The following IQGAP3 variants were observed in gnomAD, a reference collection of about 807,000 sequenced individuals.
IQGAP3 encodes IQ motif containing GTPase activating protein 3.
IQGAP3 carries 165 observed loss-of-function variants against 208.2 expected under a neutral mutation model. The observed-to-expected ratio is 0.79, with a 90% CI of 0.70 to 0.90. The LOEUF (loss-of-function observed/expected upper bound fraction) is 0.90, where lower values mean the gene tolerates loss of function less well. Among genes scored for constraint, IQGAP3 ranks in the 40% least tolerant of loss-of-function variants. The pLI is 0.00. For missense variants in IQGAP3, 1,811 were observed against 2,043.1 expected, an observed-to-expected ratio of 0.89 and a Z score of 2.19; for synonymous variants, 703 against 803.6, an observed-to-expected ratio of 0.87 and a Z score of 2.12.
intron 12 of IQGAP3, among the ~76,000 whole-genome samples, chr1:156,554,766 G>A (rs1675742732): frequency 6.6e-6 from 1 of 152,042 alleles, no homozygotes; most frequent in South Asian, 2.1e-4. Flanking sequence ...TGCATATCAA[G>A]AACTGTATTA....
At chr1:156,552,456 C>T (rs1447615493) in intron 13 of IQGAP3, among the ~76,000 whole-genome samples, 3 of 152,212 alleles carry the variant, frequency 2.0e-5, no homozygotes, top group African/African-American at 7.2e-5. Flanking sequence ...ACAAGCACCT[C>T]AAACCCAACA....
chr1:156,550,394 G>GT, intron 15 of IQGAP3, 43 bp from the exon 16 acceptor site: 1 of 1,472,922 alleles, frequency 6.8e-7, no homozygotes, highest in Non-Finnish European at 9.5e-7. Flanking sequence ...CCCCAAGCTA[G>GT]TCTCTCTAGG....
intron 16 of IQGAP3, among the ~76,000 whole-genome samples, chr1:156,549,984 T>C (rs1675467412): frequency 6.6e-6 from 1 of 152,204 alleles, no homozygotes; most frequent in South Asian, 2.1e-4. Context: ...TGATCTCACA[T>C]GCCCACATTA....
intron 2 of IQGAP3, among the ~76,000 whole-genome samples, chr1:156,567,357 C>T (rs1050861408): frequency 6.6e-6 from 1 of 152,160 alleles, no homozygotes; most frequent in Non-Finnish European, 1.5e-5. Context: ...ACAGAACGAC[C>T]ACAGCTCTTG....
intron 19 of IQGAP3, 109 bp from the exon 20 acceptor site, chr1:156,544,581 TAAA>T: frequency 1.1e-6 from 1 of 875,674 alleles, no homozygotes; most frequent in Non-Finnish European, 1.9e-6. Context: ...AGGGGGCAGT[TAAA>T]TAGAGGGGGA....
chr1:156,553,844 G>A (rs746814565), intron 13 of IQGAP3, among the ~76,000 whole-genome samples: 3 of 152,178 alleles, frequency 2.0e-5, no homozygotes, highest in African/African-American at 7.2e-5. Context: ...GCCTCCCAAA[G>A]TGCTGGGATT....
intron 33 of IQGAP3, 48 bp downstream of exon 33, chr1:156,531,112 G>A (rs757019557): frequency 1.2e-5 from 16 of 1,311,420 alleles, no homozygotes; most frequent in East Asian, 4.6e-5. Flanking sequence ...GGTGGGATGA[G>A]GTGGGGGATG....
chr1:156,537,941 G>A (rs892611979), intron 26 of IQGAP3, among the ~76,000 whole-genome samples: 2 of 148,888 alleles, frequency 1.3e-5, no homozygotes, highest in East Asian at 4.0e-4. Context: ...CTGTTGCCTA[G>A]AGCTGGAGTG....
chr1:156,552,467 G>A lies in IQGAP3; in HGVS notation c.1449-372C>T, dbSNP rs572450931. Among the ~76,000 whole-genome samples the A allele has an allele frequency of 2.6e-5, 4 of 152,246 alleles. No homozygotes were observed. The East Asian group carries it at 7.7e-4, about 29-fold the overall frequency. On this transcript the variant is annotated intron_variant, in intron 13 of 37. Coordinates refer to ENST00000361170, the MANE Select transcript of IQGAP3 (RefSeq NM_178229.5). ...TCTAACAAGCACCTCAAACCCAACA[G>A]CTCACATCTGAACTGGTTCCCCTGC...
At chr1:156,562,475 C>A in intron 9 of IQGAP3, 112 bp downstream of exon 9, 2 of 860,096 alleles carry the variant, frequency 2.3e-6, no homozygotes, top group Non-Finnish European at 3.9e-6. Context: ...CAAGAGTTGG[C>A]CCAAATGAGA....
Position 156,528,604 on chromosome 1 carries a change from A to C in IQGAP3, c.4578T>G (p.Ser1526=). ...LDHLAPDSKS[S]GKGKKQPSLH... is the part of the protein sequence containing the mutation. ...GAGAAGGCTGCTTCTTCCCCTTCCC[A>C]GAACTCCTGATTAAAAGAAGGCCCC... Residue 1526 remains serine (S), a synonymous_variant, in exon 36 of 38, where the codon TCT becomes TCG. Coordinates refer to ENST00000361170, the MANE Select transcript of IQGAP3 (RefSeq NM_178229.5). 6.2e-7 allele frequency: 1 copy of C among 1,611,866 alleles called. No individual in the cohort carries two copies. The highest frequency in any genetic ancestry group is 8.5e-7 in the Non-Finnish European group (1 of 1,178,264).
At chr1:156,529,437 GA>G (rs879586070) in intron 34 of IQGAP3, among the ~76,000 whole-genome samples, 19 of 144,474 alleles carry the variant, frequency 1.3e-4, no homozygotes, top group Admixed American at 2.7e-4. Context: ...ATGTGGGGAA[GA>G]AAAAAAAAAA....
chr1:156,533,054 G>C lies in IQGAP3; in HGVS notation c.4029C>G (p.Ser1343=). The C allele has an allele frequency of 1.2e-6, 2 of 1,614,024 alleles. No homozygotes were observed. The highest frequency in any genetic ancestry group is 1.7e-6 in the Non-Finnish European group (2 of 1,179,960). ...GHTDLSKLEV[S]LTLTNKFEGL... is the part of the protein sequence containing the mutation. ...CTTCAAACTTGTTGGTCAGCGTCAG[G>C]GACACTTCTAGCTTGCTCAGGTCCG... is the stretch of plus-strand genomic sequence containing the variant. Residue 1343 remains serine (S), a synonymous_variant, in exon 32 of 38, where the codon TCC becomes TCG. Transcript: ENST00000361170.
chr1:156,537,013 G>A (rs1674717982), intron 27 of IQGAP3, 168 bp downstream of exon 27: 1 of 636,776 alleles, frequency 1.6e-6, no homozygotes. Flanking sequence ...TCTCTAGCAG[G>A]AGCTTCGAGC....
Position 156,526,129 on chromosome 1 carries a change from C to T in IQGAP3, c.*357G>A, listed in dbSNP as rs1043001848. On this transcript the variant is annotated 3_prime_UTR_variant, in exon 38 of 38. Transcript: ENST00000361170. ...AAGGAAGGCAGAGGGGAAATCAAGCCGCTGGGGCAGTGCTTGTAATATTGG... is the reference window on the plus strand; with the variant it reads ...AAGGAAGGCAGAGGGGAAATCAAGCTGCTGGGGCAGTGCTTGTAATATTGG... The T allele has an allele frequency of 1.2e-4, 24 of 208,604 alleles. No homozygotes were observed. The highest frequency in any genetic ancestry group is 2.9e-4 in the African/African-American group (13 of 44,310). 12.9% of individuals were successfully genotyped at this position (208,604 alleles called of 1,614,324 possible).
chr1:156,528,736 G>A, intron 35 of IQGAP3, 126 bp from the exon 36 acceptor site: 1 of 1,026,208 alleles, frequency 9.7e-7, no homozygotes, highest in Non-Finnish European at 1.4e-6. Flanking sequence ...AGACAGAGGA[G>A]GGGGGCTGCA....
At chr1:156,529,198 A>G (rs1674260869) in intron 34 of IQGAP3, 116 bp from the exon 35 acceptor site, 2 of 1,141,932 alleles carry the variant, frequency 1.8e-6, no homozygotes, top group Admixed American at 2.2e-5. Flanking sequence ...ACAGGCTTCA[A>G]GGCTGTTTTC....
intron 15 of IQGAP3, 85 bp from the exon 16 acceptor site, chr1:156,550,436 C>T: frequency 2.1e-6 from 2 of 960,982 alleles, no homozygotes; most frequent in South Asian, 1.4e-5. Flanking sequence ...GGGAACCAAA[C>T]TGCAGGCAGG....
chr1:156,529,885 C>T (rs1362170627), intron 34 of IQGAP3, among the ~76,000 whole-genome samples: 7 of 141,004 alleles, frequency 5.0e-5, no homozygotes, highest in African/African-American at 2.0e-4. Flanking sequence ...CACACCACTG[C>T]TCTCCAGCCT....
Sources: gnomAD v4.1 joint callset for allele counts (sites outside exome capture counted in the v4.1 genomes callset) on GRCh38, gnomAD v4.1.1 for gene constraint, MANE v1.5 for transcripts, NCBI Gene and HGNC (gene_info 2026-07-23, HGNC 2026-07-21) for gene names.